Variants in RIN3 observed in about 807,000 individuals in gnomAD.
RIN3 encodes the protein RAB5 interacting protein 3.
RIN3 carries 54 observed loss-of-function variants against 76.3 expected under a neutral mutation model. The observed-to-expected ratio is 0.71, with a 90% CI of 0.57 to 0.89. The LOEUF (loss-of-function observed/expected upper bound fraction) is 0.89, where lower values mean the gene tolerates loss of function less well. RIN3 is among the 40% of genes least tolerant of loss of function. The probability of loss-of-function intolerance (pLI) is 0.00; values close to 1 mark genes in which losing one functional copy is unlikely to be tolerated. For missense variants in RIN3, 1,256 were observed against 1,322.1 expected, an observed-to-expected ratio of 0.95 and a Z score of 0.78; for synonymous variants, 576 against 564.0, an observed-to-expected ratio of 1.02 and a Z score of -0.30.
chr14:92,659,466 C>T lies in RIN3; in HGVS notation c.2332C>T (p.Pro778Ser), dbSNP rs1393536101. 1.9e-6 allele frequency: 3 copies of T among 1,598,630 alleles called. No homozygotes were observed. The Admixed American group carries it at 5.2e-5, about 28-fold the overall frequency. Residue 778 changes from proline to serine, a missense_variant, in exon 7 of 10, where the codon CCA becomes TCA. By Grantham distance (74) the Pro-to-Ser change is moderately conservative (BLOSUM62 -1). This residue lies in a region of RIN3 where 428 missense variants were observed against 521.2 expected (regional missense o/e 0.82). Coordinates refer to ENST00000216487, the MANE Select transcript of RIN3 (RefSeq NM_024832.5). Reference sequence around the variant, plus strand: ...CTACGACTCCATGGCCCTCGGCAACCCAGGTCAGTGGGCAGCCGGGAGGGG... The same window carrying T: ...CTACGACTCCATGGCCCTCGGCAACTCAGGTCAGTGGGCAGCCGGGAGGGG... ...LIYDSMALGNPGKPYGADDFL... is the reference protein window; with the variant it reads ...LIYDSMALGNSGKPYGADDFL...
chr14:92,611,360 C>T (rs1429058358), intron 3 of RIN3, among the ~76,000 whole-genome samples: 2 of 152,228 alleles, frequency 1.3e-5, no homozygotes, highest in Non-Finnish European at 2.9e-5. Flanking sequence ...GATCTCACCT[C>T]TGCCTCCCAG....
intron 2 of RIN3, among the ~76,000 whole-genome samples, chr14:92,565,335 C>T (rs1318159475): frequency 1.3e-5 from 2 of 152,068 alleles, no homozygotes; most frequent in Admixed American, 6.5e-5. Context: ...GGAAGTGTTA[C>T]CAGAAAGGGG....
intron 1 of RIN3, among the ~76,000 whole-genome samples, chr14:92,529,565 A>T (rs542549114): frequency 6.6e-6 from 1 of 152,296 alleles, no homozygotes; most frequent in African/African-American, 2.4e-5. Context: ...ACACTTTTGA[A>T]GTCATTCAAG....
intron 4 of RIN3, among the ~76,000 whole-genome samples, chr14:92,619,035 CATAATT>C (rs78717041): frequency 0.14 from 21,055 of 152,076 alleles, 1,738 homozygotes; most frequent in Admixed American, 0.23. Context: ...GCATAATAAT[CATAATT>C]ATAATTGATA....
rs369013452 is a variant in RIN3, at chr14:92,653,058, A to T, written c.2009A>T (p.His670Leu). The T allele has an allele frequency of 6.2e-7, 1 of 1,604,208 alleles. No homozygotes were observed. The highest frequency in any genetic ancestry group is 8.5e-7 in the Non-Finnish European group (1 of 1,178,824). The change falls in exon 6 of 10, where the codon CAC becomes CTC. Residue 670 changes from histidine (H) to leucine (L), a missense_variant. Coordinates refer to ENST00000216487, the MANE Select transcript of RIN3 (RefSeq NM_024832.5). ...AAGGCCCTGGTGGACCCCGCCCTGC[A>T]CTCCGAGGAGGAGCTCGGTCAGTGC... is the stretch of plus-strand genomic sequence containing the variant. ...ELKALVDPAL[H>L]SEEELEAIVE...
intron 1 of RIN3, among the ~76,000 whole-genome samples, chr14:92,534,521 A>G (rs999081518): frequency 6.6e-6 from 1 of 151,200 alleles, no homozygotes; most frequent in Non-Finnish European, 1.5e-5. Flanking sequence ...CAGAGGTTGC[A>G]GTGTTGCAGT....
chr14:92,534,516 G>A (rs971409469), intron 1 of RIN3, among the ~76,000 whole-genome samples: 9 of 151,002 alleles, frequency 6.0e-5, no homozygotes, highest in African/African-American at 2.2e-4. Flanking sequence ...GGAGGCAGAG[G>A]TTGCAGTGTT....
chr14:92,574,832 C>T (rs1298244368), intron 2 of RIN3, among the ~76,000 whole-genome samples: 2 of 152,078 alleles, frequency 1.3e-5, no homozygotes, highest in African/African-American at 4.8e-5. Flanking sequence ...CTCACGGAGA[C>T]CAGGATCTTA....
intron 1 of RIN3, chr14:92,515,086 G>A (rs770690510): frequency 1.2e-4 from 72 of 584,834 alleles, no homozygotes; most frequent in Non-Finnish European, 2.1e-4. Flanking sequence ...TCACTCAGCT[G>A]GGAGGGACTG....
Position 92,641,007 on chromosome 14 carries a change from C to T in RIN3, c.441-231C>T, listed in dbSNP as rs760865080. Among the ~76,000 whole-genome samples the T allele has an allele frequency of 3.3e-5, 5 of 152,090 alleles. No homozygotes were observed. In the East Asian group the frequency reaches 5.8e-4, roughly 18 times the overall value. ...CCAAGGAGAAGCAGTGACCCCGCCC[C>T]GCCACTCCTGAGTAGGATCTCCACC... On this transcript the variant is annotated intron_variant, in intron 4 of 9. Coordinates refer to ENST00000216487, the MANE Select transcript of RIN3 (RefSeq NM_024832.5).
intron 3 of RIN3, among the ~76,000 whole-genome samples, chr14:92,612,349 T>A (rs1277864317): frequency 6.6e-6 from 1 of 152,166 alleles, no homozygotes; most frequent in African/African-American, 2.4e-5. Context: ...AACAAAGGAT[T>A]GTTTGTCTTG....
intron 1 of RIN3, among the ~76,000 whole-genome samples, chr14:92,551,954 A>G (rs193061775): frequency 1.3e-4 from 20 of 152,354 alleles, no homozygotes; most frequent in African/African-American, 4.8e-4. Context: ...CCAGTTGGAA[A>G]TAATCTTGGG....
At chr14:92,630,899 G>T (rs145722330) in intron 4 of RIN3, among the ~76,000 whole-genome samples, 1 of 152,184 alleles carries the variant, frequency 6.6e-6, no homozygotes, top group African/African-American at 2.4e-5. Flanking sequence ...GCCCCCAGTT[G>T]CCTCCCCCAT....
chr14:92,514,493 G>A lies in RIN3; in HGVS notation c.44+517G>A, dbSNP rs943838600. Among the ~76,000 whole-genome samples the A allele has an allele frequency of 2.0e-5, 3 of 152,232 alleles. No individual in the cohort carries two copies. Among genetic ancestry groups the A allele is most frequent in the Non-Finnish European group, 4.4e-5 (3 of 68,036 alleles). The stretch of plus-strand genomic sequence containing the variant: ...GGTGCCCGCGGCCCAACAGCTGACC[G>A]GCCCTCCTGGACCGAGGGTCCACTG... On this transcript the variant is annotated intron_variant, in intron 1 of 9. Coordinates refer to ENST00000216487, the MANE Select transcript of RIN3 (RefSeq NM_024832.5). The surrounding 1 kb of genome is among the most constrained non-coding windows in gnomAD (Gnocchi z 7.2).
chr14:92,556,059 A>T, intron 2 of RIN3, 104 bp downstream of exon 2: 1 of 882,324 alleles, frequency 1.1e-6, no homozygotes, highest in Non-Finnish European at 1.8e-6. Flanking sequence ...TACCATGCAG[A>T]TGACTGCATG....
At chr14:92,534,024 A>G (rs1896940354) in intron 1 of RIN3, among the ~76,000 whole-genome samples, 1 of 152,168 alleles carries the variant, frequency 6.6e-6, no homozygotes, top group African/African-American at 2.4e-5. Context: ...GAAGCTAGGA[A>G]AACCCCACCA....
chr14:92,572,959 G>A (rs934341045), intron 2 of RIN3, among the ~76,000 whole-genome samples: 1 of 136,362 alleles, frequency 7.3e-6, no homozygotes, highest in South Asian at 2.3e-4. Context: ...TTGGCTCACT[G>A]CAACCTCTGC....
rs1285616312 is a variant in RIN3 at position 92,648,950 on chromosome 14, C to A, written c.533-2632C>A. ...CTGAGGGAATAGCATTAGCCAAGACCTGCTGGTGGGGCAGCGCATGGCACG... is the reference window on the plus strand; with the variant it reads ...CTGAGGGAATAGCATTAGCCAAGACATGCTGGTGGGGCAGCGCATGGCACG... On this transcript the variant is annotated intron_variant, in intron 5 of 9. Transcript: ENST00000216487. The surrounding 1 kb of genome is among the most constrained non-coding windows in gnomAD (Gnocchi z 4.1). Among the ~76,000 whole-genome samples, 3 of 152,198 alleles carry A rather than the reference C, an allele frequency of 2.0e-5. No individual in the cohort carries two copies. In the East Asian group the frequency reaches 5.8e-4, roughly 29 times the overall value.
At chr14:92,590,885 G>A (rs1380645958) in intron 3 of RIN3, among the ~76,000 whole-genome samples, 1 of 152,126 alleles carries the variant, frequency 6.6e-6, no homozygotes, top group Non-Finnish European at 1.5e-5. Flanking sequence ...CTAAAGGCCT[G>A]TTTATAGCAG....
Sources: allele counts gnomAD v4.1 joint callset (sites outside exome capture counted in the v4.1 genomes callset), GRCh38; gene constraint gnomAD v4.1.1; regional missense constraint gnomAD v4.1.1; non-coding constraint Gnocchi (gnomAD v3.1); transcripts MANE v1.5; gene names NCBI Gene and HGNC (gene_info 2026-07-23, HGNC 2026-07-21).